Variants in ESRRG observed in about 807,000 individuals in gnomAD.
The protein encoded by ESRRG is estrogen related receptor gamma.
Under a neutral mutation model 44.0 loss-of-function variants are expected in ESRRG, and 13 were observed. That is an observed-to-expected ratio of 0.30 (90% confidence interval 0.19 to 0.47). The LOEUF is 0.47. ESRRG is among the 20% of genes least tolerant of loss of function. The pLI, the probability that ESRRG is intolerant of heterozygous loss-of-function variation, is 1.00. For missense variants in ESRRG, 395 were observed against 580.6 expected, an observed-to-expected ratio of 0.68 and a Z score of 3.29; for synonymous variants, 215 against 214.6, an observed-to-expected ratio of 1.00 and a Z score of -0.02.
chr1:216,947,915 C>G (rs1489971686), intron 1 of ESRRG, among the ~76,000 whole-genome samples: 1 of 152,044 alleles, frequency 6.6e-6, no homozygotes, highest in Non-Finnish European at 1.5e-5. Flanking sequence ...CCATAAAACC[C>G]TCCCCCAAAC....
intron 2 of ESRRG, among the ~76,000 whole-genome samples, chr1:216,887,186 C>T (rs1190640814): frequency 1.3e-5 from 2 of 152,174 alleles, no homozygotes; most frequent in African/African-American, 2.4e-5. Context: ...GAGTTTCCAA[C>T]TCTGTTCTGG....
intron 3 of ESRRG, among the ~76,000 whole-genome samples, chr1:216,599,823 GAA>G (rs1314401225): frequency 4.4e-5 from 6 of 136,946 alleles, no homozygotes; most frequent in African/African-American, 7.9e-5. Context: ...GAATTAACAG[GAA>G]AAAAAAAAAA....
At chr1:216,550,796 G>A (rs2056079266) in intron 5 of ESRRG, among the ~76,000 whole-genome samples, 1 of 152,086 alleles carries the variant, frequency 6.6e-6, no homozygotes, top group Non-Finnish European at 1.5e-5. Context: ...CAGAAAATAG[G>A]TCTCTGTTCA....
chr1:217,024,628 C>T (rs1286393626), intron 1 of ESRRG, among the ~76,000 whole-genome samples: 1 of 152,146 alleles, frequency 6.6e-6, no homozygotes, highest in African/African-American at 2.4e-5. Flanking sequence ...CCTCTCCACC[C>T]CATCTTTCCT....
chr1:216,917,087 G>A (rs1013867865), intron 2 of ESRRG, among the ~76,000 whole-genome samples: 4 of 150,414 alleles, frequency 2.7e-5, no homozygotes, highest in Admixed American at 1.3e-4. Context: ...GAATCTCAGG[G>A]TCTCTCCCTC....
intron 2 of ESRRG, among the ~76,000 whole-genome samples, chr1:216,799,680 C>A (rs1051290745): frequency 5.9e-5 from 9 of 152,088 alleles, no homozygotes; most frequent in Admixed American, 1.3e-4. Flanking sequence ...TATATAATCA[C>A]AATTAAGTTT....
At chr1:217,099,721 G>A (rs183432345) in intron 1 of ESRRG, among the ~76,000 whole-genome samples, 1 of 152,200 alleles carries the variant, frequency 6.6e-6, no homozygotes, top group Non-Finnish European at 1.5e-5. Context: ...TGTAACACAG[G>A]TGTTAGTTGG....
At chr1:216,533,670 G>T (rs1833036) in intron 5 of ESRRG, among the ~76,000 whole-genome samples, 70,555 of 151,918 alleles carry the variant, frequency 0.46, 16,715 homozygotes, top group African/African-American at 0.54. Flanking sequence ...ATAATAGGCA[G>T]GGTATACTAA....
At chr1:216,631,809 C>T (rs1277170889) in intron 3 of ESRRG, among the ~76,000 whole-genome samples, 1 of 152,046 alleles carries the variant, frequency 6.6e-6, no homozygotes, top group African/African-American at 2.4e-5. Context: ...ATACTAGTGT[C>T]TCAGAATTTG....
At chr1:216,557,643 G>C (rs2057858383) in intron 5 of ESRRG, among the ~76,000 whole-genome samples, 1 of 151,984 alleles carries the variant, frequency 6.6e-6, no homozygotes, top group South Asian at 2.1e-4. Context: ...GGAGATGTTA[G>C]TTAGTTTTAT....
intron 1 of ESRRG, among the ~76,000 whole-genome samples, chr1:217,096,223 A>G (rs2151558758): frequency 1.3e-5 from 2 of 152,242 alleles, no homozygotes; most frequent in Middle Eastern, 6.8e-3. Context: ...GCATTTCAAG[A>G]CTCAATTTTC....
intron 3 of ESRRG, among the ~76,000 whole-genome samples, chr1:216,575,470 G>A (rs562586261): frequency 6.6e-6 from 1 of 152,174 alleles, no homozygotes; most frequent in African/African-American, 2.4e-5. Flanking sequence ...AGTATCTTGG[G>A]ATAAAACAAA....
chr1:216,687,254 CT>C (rs1234415870), intron 1 of ESRRG, among the ~76,000 whole-genome samples: 1 of 152,030 alleles, frequency 6.6e-6, no homozygotes, highest in Non-Finnish European at 1.5e-5. Flanking sequence ...AATGGTTCTG[CT>C]TTTGCTCATT....
chr1:216,669,692 C>A (rs939519191), intron 2 of ESRRG, among the ~76,000 whole-genome samples: 37 of 152,156 alleles, frequency 2.4e-4, no homozygotes, highest in African/African-American at 8.0e-4. Context: ...TTGAGACCAG[C>A]CTGGCCAACA....
chr1:216,797,278 C>G (rs1408454767), intron 2 of ESRRG, among the ~76,000 whole-genome samples: 1 of 152,178 alleles, frequency 6.6e-6, no homozygotes, highest in Non-Finnish European at 1.5e-5. Flanking sequence ...AAACTCCATA[C>G]TTTATTCAGA....
At chr1:217,028,294 T>C (rs565383901) in intron 1 of ESRRG, among the ~76,000 whole-genome samples, 194 of 152,306 alleles carry the variant, frequency 1.3e-3, no homozygotes, top group African/African-American at 4.5e-3. Context: ...CTAGAGTAGG[T>C]GTTGCCAGAA....
intron 1 of ESRRG, among the ~76,000 whole-genome samples, chr1:217,042,907 A>G (rs2084139856): frequency 6.6e-6 from 1 of 152,132 alleles, no homozygotes; most frequent in African/African-American, 2.4e-5. Flanking sequence ...GAAGAAAGCC[A>G]TGATTCTCAT....
At chr1:217,079,408 T>C (rs1289839477) in intron 1 of ESRRG, among the ~76,000 whole-genome samples, 1 of 152,228 alleles carries the variant, frequency 6.6e-6, no homozygotes, top group Admixed American at 6.5e-5. Context: ...GTTCCCTTAC[T>C]TATCTGAAAG....
At chr1:216,557,896 A>G (rs2057912855) in intron 5 of ESRRG, among the ~76,000 whole-genome samples, 1 of 152,220 alleles carries the variant, frequency 6.6e-6, no homozygotes, top group Admixed American at 6.5e-5. Flanking sequence ...AGTGATTACT[A>G]TGAAATGATT....
Sources: allele counts gnomAD v4.1 joint callset (sites outside exome capture counted in the v4.1 genomes callset), GRCh38; gene constraint gnomAD v4.1.1; transcripts MANE v1.5; gene names NCBI Gene and HGNC (gene_info 2026-07-23, HGNC 2026-07-21).